PHF20: variants seen among roughly 807,000 people sequenced by gnomAD.
PHF20 encodes the protein PHD finger protein 20.
PHF20 carries 23 observed loss-of-function variants against 113.5 expected under a neutral mutation model. The ratio of observed to expected loss-of-function variants is 0.20; its 90% CI spans 0.15 to 0.29. The LOEUF is 0.29. Ranked by LOEUF, PHF20 falls within the 10% of genes least tolerant of loss-of-function variation. PHF20 has a pLI of 1.00. For missense variants in PHF20, 943 were observed against 1,219.6 expected (o/e 0.77, Z 3.38); for synonymous variants, 434 against 457.3 (o/e 0.95, Z 0.65).
intron 15 of PHF20, among the ~76,000 whole-genome samples, chr20:35,938,124 G>A (rs374373389): frequency 1.9e-4 from 29 of 152,052 alleles, no homozygotes; most frequent in Non-Finnish European, 3.2e-4. Context: ...CTCCTGCCTC[G>A]GCCTCCCAAA....
In PHF20 at chr20:35,882,609, G is replaced by A. The variant is rs902475833; in HGVS notation, c.1282+10780G>A. ...AGCCTGGCTAATTTTTAAATTTTTT[G>A]TGGAGACAGGGTCTAGATATATTGA... On this transcript the variant is annotated intron_variant, in intron 9 of 17. Transcript: ENST00000374012. 2.0e-5 allele frequency among the ~76,000 whole-genome samples: 3 copies of A among 152,170 alleles called. No individual in the cohort carries two copies. In the South Asian group the frequency reaches 6.2e-4, roughly 32 times the overall value.
chr20:35,899,975 C>T (rs571870164), intron 10 of PHF20, among the ~76,000 whole-genome samples: 1 of 152,186 alleles, frequency 6.6e-6, no homozygotes, highest in Non-Finnish European at 1.5e-5. Flanking sequence ...TGGGTGCCAT[C>T]GTCCCACTCT....
At chr20:35,873,643 A>C (rs185908273) in intron 9 of PHF20, among the ~76,000 whole-genome samples, 1 of 150,802 alleles carries the variant, frequency 6.6e-6, no homozygotes, top group East Asian at 1.9e-4. Flanking sequence ...TAATTTTTGT[A>C]TTTTTTAGTA....
chr20:35,834,471 G>A (rs902504235), intron 2 of PHF20, among the ~76,000 whole-genome samples: 4 of 151,842 alleles, frequency 2.6e-5, no homozygotes, highest in Admixed American at 1.3e-4. Flanking sequence ...GACTGGTCTC[G>A]AACTCCCAAC....
At chr20:35,822,252 C>T (rs2042181667) in intron 2 of PHF20, among the ~76,000 whole-genome samples, 1 of 151,862 alleles carries the variant, frequency 6.6e-6, no homozygotes, top group African/African-American at 2.4e-5. Context: ...CATATATACA[C>T]AAAAACCCCA....
chr20:35,891,924 G>T (rs1399328058), intron 9 of PHF20, among the ~76,000 whole-genome samples: 1 of 152,028 alleles, frequency 6.6e-6, no homozygotes, highest in Non-Finnish European at 1.5e-5. Flanking sequence ...AGGCTGGAGT[G>T]CAGTGGGCAA....
At chr20:35,797,446 G>A (rs1369525658) in intron 1 of PHF20, among the ~76,000 whole-genome samples, 4 of 150,214 alleles carry the variant, frequency 2.7e-5, no homozygotes, top group Non-Finnish European at 4.4e-5. Flanking sequence ...CCTAGGAGGC[G>A]GAGGTTACAG....
intron 2 of PHF20, among the ~76,000 whole-genome samples, chr20:35,835,804 C>G (rs1209737958): frequency 6.6e-6 from 1 of 151,980 alleles, no homozygotes; most frequent in African/African-American, 2.4e-5. Flanking sequence ...GTGGCGTGTA[C>G]CTGTAGTCCC....
chr20:35,824,462 C>T (rs1438878125), intron 2 of PHF20, among the ~76,000 whole-genome samples: 1 of 151,936 alleles, frequency 6.6e-6, no homozygotes, highest in Non-Finnish European at 1.5e-5. Context: ...CAAAAATTAG[C>T]TGGGTGTGGT....
chr20:35,845,371 G>GT (rs755496532), intron 3 of PHF20: 2,898 of 365,454 alleles, frequency 7.9e-3, no homozygotes, highest in South Asian at 0.012. Context: ...ATCTTTTTTT[G>GT]TTTTTTTTTA....
At chr20:35,915,963 G>A (rs1187484671) in intron 12 of PHF20, among the ~76,000 whole-genome samples, 1 of 151,954 alleles carries the variant, frequency 6.6e-6, no homozygotes, top group Non-Finnish European at 1.5e-5. Flanking sequence ...GGCAAACCTT[G>A]CCTCTACAAA....
intron 1 of PHF20, among the ~76,000 whole-genome samples, chr20:35,797,917 T>C (rs1038753314): frequency 6.6e-6 from 1 of 152,126 alleles, no homozygotes; most frequent in African/African-American, 2.4e-5. Context: ...CCCAAAGTGC[T>C]GGGACTACAG....
Position 35,892,439 on chromosome 20 carries a change from C to T in PHF20, c.1283-6931C>T, listed in dbSNP as rs554712950. On this transcript the variant is annotated intron_variant, in intron 9 of 17. Transcript: ENST00000374012. ...GCTCAGGCAGGTCTCGAACTCCTGA[C>T]CTCAGGTGCTCCACCTGCCTCAGCC... Among the ~76,000 whole-genome samples the T allele has an allele frequency of 6.6e-5, 10 of 151,066 alleles. No homozygotes were observed. In the South Asian group the frequency reaches 2.1e-3, roughly 32 times the overall value.
At chr20:35,839,264 G>A (rs748010371) in intron 2 of PHF20, among the ~76,000 whole-genome samples, 4 of 151,580 alleles carry the variant, frequency 2.6e-5, no homozygotes, top group African/African-American at 4.8e-5. Flanking sequence ...GGTGGCGGGC[G>A]CCTGTAGTCC....
chr20:35,786,389 C>CAATA (rs542171645), intron 1 of PHF20, among the ~76,000 whole-genome samples: 18 of 149,894 alleles, frequency 1.2e-4, no homozygotes, highest in Admixed American at 2.7e-4. Flanking sequence ...GACTCCGTCT[C>CAATA]AATAAATAAA....
chr20:35,824,513 A>G (rs146541598), intron 2 of PHF20, among the ~76,000 whole-genome samples: 24 of 152,064 alleles, frequency 1.6e-4, no homozygotes, highest in African/African-American at 5.1e-4. Flanking sequence ...AGGCTGAGGC[A>G]GTAGAATCGC....
chr20:35,943,209 G>A (rs188899422), intron 17 of PHF20, among the ~76,000 whole-genome samples: 179 of 152,176 alleles, frequency 1.2e-3, no homozygotes, highest in African/African-American at 4.1e-3. Context: ...TTAGCTGGGT[G>A]TGGTGGTGCA....
Position 35,899,511 on chromosome 20 carries a change from A to G in PHF20, c.1424A>G (p.Tyr475Cys), listed in dbSNP as rs1178571708. 1 of 1,614,120 alleles carries G rather than the reference A, an allele frequency of 6.2e-7. No individual in the cohort carries two copies. Among genetic ancestry groups the G allele is most frequent in the Non-Finnish European group, 8.5e-7 (1 of 1,180,048 alleles). Reference protein sequence around the residue: ...KAKLLHYHMKYFHGMEKSLEP... With the variant: ...KAKLLHYHMKCFHGMEKSLEP... ...AAACTGTTGCACTATCACATGAAGT[A>G]TTTCCATGGAATGGAGAAGTCACTG... Residue 475 changes from tyrosine to cysteine, a missense_variant, in exon 10 of 18, where the codon TAT becomes TGT. Tyr to Cys is a radical substitution (Grantham distance 194). This residue lies in a region of PHF20 where 592 missense variants were observed against 787.2 expected (regional missense o/e 0.75). Coordinates refer to ENST00000374012, the MANE Select transcript of PHF20 (RefSeq NM_016436.5).
At chr20:35,777,764 C>G (rs1421084603) in intron 1 of PHF20, among the ~76,000 whole-genome samples, 1 of 152,182 alleles carries the variant, frequency 6.6e-6, no homozygotes, top group Non-Finnish European at 1.5e-5. Flanking sequence ...TAGGATTGTA[C>G]CACTGCACTA....
Sources: allele counts gnomAD v4.1 joint callset (sites outside exome capture counted in the v4.1 genomes callset), GRCh38; gene constraint gnomAD v4.1.1; regional missense constraint gnomAD v4.1.1; transcripts MANE v1.5; gene names NCBI Gene and HGNC (gene_info 2026-07-23, HGNC 2026-07-21).